DPP6: variants seen among roughly 807,000 people sequenced by gnomAD.
DPP6 encodes the protein dipeptidyl peptidase like 6.
DPP6 carries 69 observed loss-of-function variants against 122.6 expected under a neutral mutation model. The observed-to-expected ratio is 0.56, with a 90% CI of 0.46 to 0.69. DPP6 has a LOEUF of 0.69. Ranked by LOEUF, DPP6 falls within the 30% of genes least tolerant of loss-of-function variation. DPP6 has a pLI of 0.00. For synonymous variants in DPP6, 418 were observed against 433.1 expected, an observed-to-expected ratio of 0.97 and a Z score of 0.43; for missense variants, 928 against 1,116.9, an observed-to-expected ratio of 0.83 and a Z score of 2.41.
Position 154,218,254 on chromosome 7 carries a change from G to A in DPP6, c.243+165191G>A, listed in dbSNP as rs184144018. Among the ~76,000 whole-genome samples the A allele has an allele frequency of 2.3e-4, 35 of 152,218 alleles. No homozygotes were observed. The East Asian group carries it at 5.2e-3, about 23-fold the overall frequency. Reference sequence around the variant, plus strand: ...GAAGTGCCAGGATCACTAGAATCTGGGGTCCCTAATCCACACAACCTCACC... The same window carrying A: ...GAAGTGCCAGGATCACTAGAATCTGAGGTCCCTAATCCACACAACCTCACC... On this transcript the variant is annotated intron_variant, in intron 1 of 25. Transcript: ENST00000377770.
At chr7:154,059,270 A>C (rs1801313484) in intron 1 of DPP6, 1 of 146,016 alleles carries the variant, frequency 6.8e-6, no homozygotes, top group East Asian at 2.1e-4. Flanking sequence ...CCCATCGCAG[A>C]GGGGGGAGGC....
chr7:154,592,632 C>T (rs796409754), intron 5 of DPP6, among the ~76,000 whole-genome samples: 7 of 152,070 alleles, frequency 4.6e-5, no homozygotes, highest in South Asian at 4.2e-4. Context: ...ACGGCAGGGA[C>T]GGCAGGGACG....
chr7:154,344,258 C>T (rs1019261241), intron 1 of DPP6, among the ~76,000 whole-genome samples: 2 of 152,124 alleles, frequency 1.3e-5, no homozygotes, highest in African/African-American at 4.8e-5. Context: ...TACTTTCTCT[C>T]AATAACAATA....
At chr7:154,622,766 G>A (rs1834777551) in intron 5 of DPP6, among the ~76,000 whole-genome samples, 2 of 152,174 alleles carry the variant, frequency 1.3e-5, no homozygotes, top group Non-Finnish European at 2.9e-5. Flanking sequence ...ATGGTTTAAA[G>A]TACAGCACAC....
intron 3 of DPP6, among the ~76,000 whole-genome samples, chr7:154,494,530 G>A (rs75742233): frequency 6.6e-6 from 1 of 151,558 alleles, no homozygotes; most frequent in Non-Finnish European, 1.5e-5. Flanking sequence ...TAAAATCTAG[G>A]ATGAATATGT....
intron 5 of DPP6, among the ~76,000 whole-genome samples, chr7:154,633,801 G>A (rs1835551952): frequency 6.6e-6 from 1 of 152,112 alleles, no homozygotes; most frequent in African/African-American, 2.4e-5. Context: ...TTGGAGCAAG[G>A]AGAAAATTGT....
At chr7:154,629,696 T>C (rs1835292601) in intron 5 of DPP6, among the ~76,000 whole-genome samples, 1 of 152,210 alleles carries the variant, frequency 6.6e-6, no homozygotes, top group African/African-American at 2.4e-5. Context: ...CTGCAATGCA[T>C]GCACCCATTC....
At chr7:154,001,512 C>T (rs1332581467) in intron 1 of DPP6, among the ~76,000 whole-genome samples, 1 of 150,516 alleles carries the variant, frequency 6.6e-6, no homozygotes, top group Non-Finnish European at 1.5e-5. Flanking sequence ...GCGCTGTCCT[C>T]ACTCTGCCTC....
At chr7:154,032,633 A>C (rs1223404229) in intron 1 of DPP6, among the ~76,000 whole-genome samples, 1 of 152,194 alleles carries the variant, frequency 6.6e-6, no homozygotes, top group Non-Finnish European at 1.5e-5. Context: ...ATGTTTCAAA[A>C]TAATGCATTT....
intron 1 of DPP6, among the ~76,000 whole-genome samples, chr7:153,977,870 A>T (rs1194953879): frequency 2.6e-5 from 4 of 152,032 alleles, no homozygotes; most frequent in Non-Finnish European, 5.9e-5. Flanking sequence ...CATGTCCCTG[A>T]AAAGGACACG....
At chr7:154,060,609 C>G (rs528944729) in intron 1 of DPP6, among the ~76,000 whole-genome samples, 5,562 of 140,792 alleles carry the variant, frequency 0.04, 231 homozygotes, top group African/African-American at 0.14. Flanking sequence ...CTCTTCCCCC[C>G]CCTGGCTCTG....
At chr7:153,838,213 A>G in the DPP6 span, among the ~76,000 whole-genome samples, 4 of 152,162 alleles carry the variant, frequency 2.6e-5, no homozygotes, top group African/African-American at 9.7e-5. Context: ...TAAGGGTTCC[A>G]CTGGATTCCA....
At chr7:153,831,155 A>G in the DPP6 span, among the ~76,000 whole-genome samples, 1 of 152,222 alleles carries the variant, frequency 6.6e-6, no homozygotes, top group Non-Finnish European at 1.5e-5. Flanking sequence ...AATTTAATGT[A>G]CTCATTTATG....
chr7:154,753,514 C>A (rs10278751), intron 8 of DPP6, among the ~76,000 whole-genome samples: 46,928 of 152,028 alleles, frequency 0.31, 9,171 homozygotes, highest in African/African-American at 0.55. Context: ...CCTCTCATTC[C>A]TCCTCTCCCA....
At chr7:154,247,246 G>T (rs113632561) in intron 1 of DPP6, among the ~76,000 whole-genome samples, 3,146 of 152,276 alleles carry the variant, frequency 0.021, 107 homozygotes, top group African/African-American at 0.072. Flanking sequence ...CTGGGAGGTG[G>T]AGGTTGCAGT....
Position 154,893,452 on chromosome 7 carries a change from T to TA in DPP6, c.*1000dup, listed in dbSNP as rs59833906. 2.2e-5 allele frequency: 2 copies of TA among 90,712 alleles called. No individual in the cohort carries two copies. Among genetic ancestry groups the TA allele is most frequent in the East Asian group, 4.2e-4 (1 of 2,408 alleles). The allele number at this position is 90,712 out of a possible 1,614,324, so 5.6% of individuals were successfully genotyped here. A position where few individuals can be genotyped will look rare whatever the true frequency, so the allele number is the denominator to read the frequency against. On this transcript the variant is annotated 3_prime_UTR_variant, in exon 26 of 26. Coordinates refer to ENST00000377770, the MANE Select transcript of DPP6 (RefSeq NM_130797.4). ...AAGCTCTTTCCCATGACATTTGGTT[T>TA]AAAAAAAAAAAAAAAAAAAAAAAAA...
intron 1 of DPP6, among the ~76,000 whole-genome samples, chr7:153,928,395 C>CTTTTTTTTTTTTTTTTTTT (rs1467865041): frequency 1.3e-4 from 4 of 29,988 alleles, no homozygotes; most frequent in East Asian, 7.5e-4. Flanking sequence ...TCTTTTCTTT[C>CTTTTTTTTTTTTTTTTTTT]ATTTTTTTTT....
Position 154,575,219 on chromosome 7 carries a change from GGTGTGGTGTGT to G in DPP6, c.627+8313_627+8323del, listed in dbSNP as rs1478811856. On this transcript the variant is annotated intron_variant, in intron 5 of 25. Transcript: ENST00000377770. ...TGTGTGGTGTCTGTGGTGTGTGTGT[GGTGTGGTGTGT>G]GTGTGGTGTTTGTGTGGTGTGTGTG... Among the ~76,000 whole-genome samples, 114 of 123,958 alleles carry G rather than the reference GGTGTGGTGTGT, an allele frequency of 9.2e-4. 2 individuals carry two copies. In the South Asian group the frequency reaches 0.02, roughly 22 times the overall value. The allele number at this position is 123,958 out of a possible 152,430, so 81.3% of individuals were successfully genotyped here. A position where few individuals can be genotyped will look rare whatever the true frequency, so the allele number is the denominator to read the frequency against.
upstream of DPP6, among the ~76,000 whole-genome samples, chr7:153,884,009 T>A (rs1798826556): frequency 6.6e-6 from 1 of 152,112 alleles, no homozygotes; most frequent in Non-Finnish European, 1.5e-5. Flanking sequence ...GAATTTTTAT[T>A]TTTTATTTTT....
Sources: allele counts gnomAD v4.1 joint callset (sites outside exome capture counted in the v4.1 genomes callset), GRCh38; gene constraint gnomAD v4.1.1; transcripts MANE v1.5; gene names NCBI Gene and HGNC (gene_info 2026-07-23, HGNC 2026-07-21).